The following PPP1R12C variants were observed in gnomAD, a reference collection of about 807,000 sequenced individuals.
PPP1R12C encodes leukocyte receptor cluster (LRC) encoded novel gene 3.
In PPP1R12C, 48 loss-of-function variants were observed where a neutral mutation model predicts 95.6. The observed-to-expected ratio is 0.50, with a 90% CI of 0.40 to 0.64. The LOEUF (loss-of-function observed/expected upper bound fraction) is 0.64, where lower values mean the gene tolerates loss of function less well. Among genes scored for constraint, PPP1R12C ranks in the 30% least tolerant of loss-of-function variants. The probability of loss-of-function intolerance (pLI) is 0.00; values close to 1 mark genes in which losing one functional copy is unlikely to be tolerated. For synonymous variants in PPP1R12C, 480 were observed against 460.8 expected (o/e 1.04, Z -0.53); for missense variants, 1,057 against 1,083.3 (o/e 0.98, Z 0.34).
At chr19:55,092,719 G>GA in intron 16 of PPP1R12C, 57 bp from the exon 17 acceptor site, 1 of 1,530,484 alleles carries the variant, frequency 6.5e-7, no homozygotes, top group Non-Finnish European at 8.8e-7. Context: ...GCGGGTATGG[G>GA]AAGGGCTTTG....
chr19:55,095,811 G>C, intron 9 of PPP1R12C, 56 bp downstream of exon 9: 3 of 1,581,844 alleles, frequency 1.9e-6, no homozygotes, highest in South Asian at 2.2e-5. Context: ...AGGCTGTATG[G>C]AATCCCACCT....
intron 15 of PPP1R12C, 46 bp downstream of exon 15, chr19:55,092,970 A>C: frequency 6.4e-7 from 1 of 1,565,560 alleles, no homozygotes; most frequent in Non-Finnish European, 8.7e-7. Flanking sequence ...CTATGGGAGA[A>C]ACTGGATGAT....
intron 3 of PPP1R12C, among the ~76,000 whole-genome samples, chr19:55,108,863 C>G (rs750434382): frequency 1.3e-5 from 2 of 152,120 alleles, no homozygotes; most frequent in African/African-American, 4.8e-5. Flanking sequence ...TGTGCCACCA[C>G]CCCTGGCTAA....
chr19:55,105,388 T>TTGCTGAGATC (rs2085027318), intron 3 of PPP1R12C, among the ~76,000 whole-genome samples: 1 of 152,228 alleles, frequency 6.6e-6, no homozygotes, highest in Non-Finnish European at 1.5e-5. Flanking sequence ...GTTCAACATG[T>TTGCTGAGATC]TGCTGAGATC....
rs1326017903 is a variant in PPP1R12C at position 55,109,004 on chromosome 19, T to G, written c.571+3463A>C. Among the ~76,000 whole-genome samples, 1 of 152,208 alleles carries G rather than the reference T, an allele frequency of 6.6e-6. No individual in the cohort carries two copies. Among genetic ancestry groups the G allele is most frequent in the African/African-American group, 2.4e-5 (1 of 41,450 alleles). ...GAAGACTGAATCATGTCCCACCGCA[T>G]GGATGGGCCACATGTTGATTTTCCA... On this transcript the variant is annotated intron_variant, in intron 3 of 21. Coordinates refer to ENST00000263433, the MANE Select transcript of PPP1R12C (RefSeq NM_017607.4). The surrounding 1 kb of genome is among the most constrained non-coding windows in gnomAD (Gnocchi z 4.4).
At chr19:55,115,610 G>A (rs1401374304) in intron 1 of PPP1R12C, 2 of 151,454 alleles carry the variant, frequency 1.3e-5, no homozygotes, top group African/African-American at 4.9e-5. Context: ...AAACCTTAGA[G>A]GTTCTGGCAA....
Position 55,091,377 on chromosome 19 carries a change from T to C in PPP1R12C, c.*95A>G, listed in dbSNP as rs1015657256. 3 of 1,290,848 alleles carry C rather than the reference T, an allele frequency of 2.3e-6. No individual in the cohort carries two copies. The highest frequency in any genetic ancestry group is 4.0e-5 in the Admixed American group (2 of 49,384). The allele number at this position is 1,290,848 out of a possible 1,614,324, so 80.0% of individuals were successfully genotyped here. On this transcript the variant is annotated 3_prime_UTR_variant, in exon 22 of 22. Coordinates refer to ENST00000263433, the MANE Select transcript of PPP1R12C (RefSeq NM_017607.4). ...GGGGGGCTATGGCTTCTCTGAGACT[T>C]CCCCCGGAGCCCTGTCACTCGTGTT...
rs199900093 is a variant in PPP1R12C, at chr19:55,103,562, T to C, written c.578A>G (p.Asp193Gly). 3.8e-6 allele frequency: 6 copies of C among 1,579,562 alleles called. No individual in the cohort carries two copies. The highest frequency in any genetic ancestry group is 5.2e-6 in the Non-Finnish European group (6 of 1,156,126). The change falls in exon 4 of 22, where the codon GAT (aspartate) becomes GGT (glycine). Residue 193 changes from aspartate (D) to glycine (G), a missense_variant. Physicochemically the swap from Asp to Gly is moderately conservative, Grantham distance 94. Around this residue, in one of 5 missense-constraint regions of PPP1R12C, gnomAD observed 282 missense variants for 380.4 expected, o/e 0.74. Coordinates refer to ENST00000263433, the MANE Select transcript of PPP1R12C (RefSeq NM_017607.4). ...LKAEIARRGV[D>G]VEAAKRAEEE... ...TTCTGCCCGCTTGGCTGCTTCCACA[T>C]CCACACCTAGGAGGATAAGAGGCAC...
chr19:55,100,720 C>T (rs2084971088), intron 4 of PPP1R12C, among the ~76,000 whole-genome samples: 1 of 152,170 alleles, frequency 6.6e-6, no homozygotes, highest in Non-Finnish European at 1.5e-5. Flanking sequence ...TCAAGCAATT[C>T]TCCTGCCTCA....
At chr19:55,113,817 GA>G (rs1170207591) in intron 1 of PPP1R12C, 1 of 226,792 alleles carries the variant, frequency 4.4e-6, no homozygotes, top group Non-Finnish European at 8.5e-6. Flanking sequence ...TTGTCATGGC[GA>G]TAGGGGAGGG....
intron 3 of PPP1R12C, among the ~76,000 whole-genome samples, chr19:55,108,685 TTG>T (rs2085064243): frequency 6.6e-6 from 1 of 152,132 alleles, no homozygotes; most frequent in Non-Finnish European, 1.5e-5. Context: ...TACATCTACA[TTG>T]TGTGTTTTTT....
At chr19:55,092,375 G>T (rs201600883) in intron 18 of PPP1R12C, 49 bp from the exon 19 acceptor site, 6 of 1,568,654 alleles carry the variant, frequency 3.8e-6, no homozygotes, top group African/African-American at 1.4e-5. Context: ...GCGATGCTGG[G>T]GGGGCGGGGA....
intron 3 of PPP1R12C, among the ~76,000 whole-genome samples, chr19:55,104,361 A>G (rs1260069285): frequency 6.6e-6 from 1 of 151,140 alleles, no homozygotes; most frequent in East Asian, 1.9e-4. Flanking sequence ...TGTAACATAT[A>G]TAGACAGAAG....
At chr19:55,092,387 G>A (rs1179143619) in intron 18 of PPP1R12C, 55 bp downstream of exon 18, 3 of 1,571,238 alleles carry the variant, frequency 1.9e-6, no homozygotes, top group Non-Finnish European at 2.6e-6. Flanking sequence ...GGGCGGGGAA[G>A]CCAGGAAGCT....
At chr19:55,116,061 G>C (rs562142696) in intron 1 of PPP1R12C, among the ~76,000 whole-genome samples, 1 of 152,336 alleles carries the variant, frequency 6.6e-6, no homozygotes, top group Non-Finnish European at 1.5e-5. Flanking sequence ...GAATCCACAG[G>C]AGAACGGGGT....
rs1193338621 is a variant in PPP1R12C at position 55,093,046 on chromosome 19, C to T, written c.1795G>A (p.Val599Met). ...DPSRRPRVPG[V>M]ENSDSPAQRA... is the part of the protein sequence containing the mutation. ...TGGGCAGGGCTGTCAGAGTTCTCCA[C>T]TCCAGGGACGCGGGGCCTTCGGGAA... is the stretch of plus-strand genomic sequence containing the variant. The change falls in exon 15 of 22, where the codon GTG becomes ATG. Residue 599 changes from valine to methionine, a missense_variant. Physicochemically the swap from Val to Met is conservative, Grantham distance 21. Around this residue, in one of 5 missense-constraint regions of PPP1R12C, gnomAD observed 347 missense variants for 307.9 expected, o/e 1.13. Coordinates refer to ENST00000263433, the MANE Select transcript of PPP1R12C (RefSeq NM_017607.4). 2 of 1,594,600 alleles carry T rather than the reference C, an allele frequency of 1.3e-6. No homozygotes were observed. The highest frequency in any genetic ancestry group is 1.7e-5 in the Admixed American group (1 of 58,926).
rs1342844843 is a variant in PPP1R12C at position 55,091,331 on chromosome 19, C to T, written c.*141G>A. The T allele has an allele frequency of 1.2e-5, 11 of 917,570 alleles. No individual in the cohort carries two copies. Among genetic ancestry groups the T allele is most frequent in the Middle Eastern group, 2.8e-4 (1 of 3,532 alleles). The allele number at this position is 917,570 out of a possible 1,614,324, so 56.8% of individuals were successfully genotyped here. A position where few individuals can be genotyped will look rare whatever the true frequency, so the allele number is the denominator to read the frequency against. On this transcript the variant is annotated 3_prime_UTR_variant, in exon 22 of 22. Coordinates refer to ENST00000263433, the MANE Select transcript of PPP1R12C (RefSeq NM_017607.4). Reference sequence around the variant, plus strand: ...CCTCGGCTCCTGGGGACTCTGCTCCCCTCCCAGTCCGGAGGTCCCAGGGGG... The same window carrying T: ...CCTCGGCTCCTGGGGACTCTGCTCCTCTCCCAGTCCGGAGGTCCCAGGGGG...
intron 21 of PPP1R12C, 23 bp downstream of exon 21, chr19:55,091,627 C>CCCACAGCCA: frequency 7.3e-7 from 1 of 1,365,342 alleles, no homozygotes; most frequent in South Asian, 1.2e-5. Flanking sequence ...CGGCCCTCTG[C>CCCACAGCCA]CCACAGCCCC....
At chr19:55,100,018 C>T (rs867066934) in intron 4 of PPP1R12C, among the ~76,000 whole-genome samples, 2 of 152,178 alleles carry the variant, frequency 1.3e-5, no homozygotes, top group African/African-American at 2.4e-5. Context: ...ACCTTTCCCA[C>T]GCTTTGCCCG....
Sources: allele counts gnomAD v4.1 joint callset (sites outside exome capture counted in the v4.1 genomes callset), GRCh38; gene constraint gnomAD v4.1.1; regional missense constraint gnomAD v4.1.1; non-coding constraint Gnocchi (gnomAD v3.1); transcripts MANE v1.5; gene names NCBI Gene and HGNC (gene_info 2026-07-23, HGNC 2026-07-21).